KIAA1217: variants seen among roughly 807,000 people sequenced by gnomAD.
KIAA1217 encodes the protein sickle tail protein homolog.
In KIAA1217, 88 loss-of-function variants were observed where a neutral mutation model predicts 163.9. That is an observed-to-expected ratio of 0.54 (90% CI 0.45 to 0.64). KIAA1217 has a LOEUF of 0.64. KIAA1217 is among the 30% of genes least tolerant of loss of function. The pLI is 0.00. For missense variants in KIAA1217, 2,372 were observed against 2,475.0 expected, an observed-to-expected ratio of 0.96 and a Z score of 0.88; for synonymous variants, 903 against 923.1, an observed-to-expected ratio of 0.98 and a Z score of 0.39.
chr10:24,351,335 G>A (rs2048435094), intron 2 of KIAA1217, among the ~76,000 whole-genome samples: 1 of 152,176 alleles, frequency 6.6e-6, no homozygotes, highest in Non-Finnish European at 1.5e-5. Flanking sequence ...CTAAGAGTCT[G>A]TATCTTCTTC....
intron 1 of KIAA1217, among the ~76,000 whole-genome samples, chr10:23,984,333 A>G (rs1329709745): frequency 1.3e-5 from 2 of 152,206 alleles, no homozygotes; most frequent in African/African-American, 4.8e-5. Context: ...CCAAACAGTC[A>G]CAGTCTCTTT....
chr10:24,391,329 CTTTCTTTTTTTTT>C (rs1340101806), intron 3 of KIAA1217, among the ~76,000 whole-genome samples: 6 of 87,854 alleles, frequency 6.8e-5, no homozygotes, highest in Non-Finnish European at 1.1e-4. Flanking sequence ...TTCTTTCTTT[CTTTCTTTTTTTTT>C]TTTTTTTTTT....
intron 1 of KIAA1217, among the ~76,000 whole-genome samples, chr10:23,751,220 G>A (rs1003299076): frequency 2.0e-5 from 3 of 151,966 alleles, no homozygotes; most frequent in African/African-American, 7.3e-5. Flanking sequence ...TAAAGCTGGG[G>A]TTTCTCCATG....
intron 1 of KIAA1217, among the ~76,000 whole-genome samples, chr10:23,866,201 C>CG (rs922652661): frequency 6.6e-6 from 1 of 151,966 alleles, no homozygotes; most frequent in African/African-American, 2.4e-5. Context: ...TGTGTGATGT[C>CG]GGGGGGAGAT....
intron 1 of KIAA1217, among the ~76,000 whole-genome samples, chr10:23,744,420 G>A (rs1385106744): frequency 6.6e-6 from 1 of 152,196 alleles, no homozygotes; most frequent in Non-Finnish European, 1.5e-5. Flanking sequence ...GACACACTAG[G>A]GGAAGGGAAA....
At chr10:24,528,308 T>TG (rs1364302575) in intron 14 of KIAA1217, among the ~76,000 whole-genome samples, 189 bp downstream of exon 14, 3 of 128,086 alleles carry the variant, frequency 2.3e-5, no homozygotes, top group Non-Finnish European at 5.3e-5. Context: ...TCTCTCTTTT[T>TG]GTTTTTTTTT....
chr10:24,034,970 C>T (rs954620247), intron 2 of KIAA1217, among the ~76,000 whole-genome samples: 3 of 152,206 alleles, frequency 2.0e-5, no homozygotes, highest in African/African-American at 7.2e-5. Context: ...CACACAGCAT[C>T]CAAGATGACA....
upstream of KIAA1217, among the ~76,000 whole-genome samples, chr10:24,204,270 G>A (rs984996332): frequency 6.6e-6 from 1 of 152,104 alleles, no homozygotes; most frequent in Non-Finnish European, 1.5e-5. Flanking sequence ...TTTAAGTAAG[G>A]GAAGATTGGT....
At position 24,547,687 on chromosome 10, in the gene KIAA1217, G is replaced by C. The variant is rs2075773248; in HGVS notation, c.*1363G>C. The C allele has an allele frequency of 5.3e-5, 8 of 152,246 alleles. 1 individual carries two copies. In the South Asian group the frequency reaches 1.7e-3, roughly 32 times the overall value. 9.4% of individuals were successfully genotyped at this position (152,246 alleles called of 1,614,324 possible). A position where few individuals can be genotyped will look rare whatever the true frequency, so the allele number is the denominator to read the frequency against. The stretch of plus-strand genomic sequence containing the variant: ...GTGGTGCCTTGGATGTGGCCTGTTG[G>C]CTCGCTTTCTTCTCTGTGGCTTATC... On this transcript the variant is annotated 3_prime_UTR_variant, in exon 21 of 21. Transcript: ENST00000376454.
At chr10:23,719,095 T>G (rs535368493) in intron 1 of KIAA1217, among the ~76,000 whole-genome samples, 47 of 152,252 alleles carry the variant, frequency 3.1e-4, no homozygotes, top group African/African-American at 1.1e-3. Context: ...ACAAATAACA[T>G]GTATACACTA....
chr10:24,082,165 G>A (rs1473742611), intron 2 of KIAA1217, among the ~76,000 whole-genome samples: 1 of 152,130 alleles, frequency 6.6e-6, no homozygotes, highest in African/African-American at 2.4e-5. Context: ...TCACCCCAGA[G>A]GAATTCACTG....
intron 1 of KIAA1217, among the ~76,000 whole-genome samples, chr10:23,747,885 G>T (rs1187496687): frequency 6.6e-6 from 1 of 152,168 alleles, no homozygotes; most frequent in African/African-American, 2.4e-5. Context: ...AAGCTAGCTA[G>T]ACCTGGGCTG....
chr10:23,874,801 A>T (rs1840607600), intron 1 of KIAA1217, among the ~76,000 whole-genome samples: 1 of 152,012 alleles, frequency 6.6e-6, no homozygotes, highest in Admixed American at 6.6e-5. Context: ...ATTACAAATA[A>T]TCATACAGAA....
At chr10:23,786,374 G>T (rs1399354812) in intron 1 of KIAA1217, among the ~76,000 whole-genome samples, 3 of 151,958 alleles carry the variant, frequency 2.0e-5, no homozygotes, top group Non-Finnish European at 4.4e-5. Context: ...AACCAGTTTG[G>T]CCAAATCATT....
intron 2 of KIAA1217, among the ~76,000 whole-genome samples, chr10:24,057,434 T>C (rs1388343585): frequency 6.6e-6 from 1 of 152,184 alleles, no homozygotes; most frequent in African/African-American, 2.4e-5. Context: ...GCCATTTGTC[T>C]CTCCCCTCAA....
At chr10:24,507,347 A>T (rs932482883) in intron 9 of KIAA1217, among the ~76,000 whole-genome samples, 10 of 152,222 alleles carry the variant, frequency 6.6e-5, no homozygotes, top group African/African-American at 2.2e-4. Flanking sequence ...TTGTCAAGAG[A>T]AACCAACCAG....
intron 2 of KIAA1217, among the ~76,000 whole-genome samples, chr10:24,050,522 T>C (rs1178974854): frequency 4.3e-4 from 66 of 152,180 alleles, no homozygotes; most frequent in Non-Finnish European, 5.9e-5. Flanking sequence ...TTTCTGCATA[T>C]GGCTAGCCAG....
intron 11 of KIAA1217, among the ~76,000 whole-genome samples, chr10:24,520,638 AAAAAAAAAAAAAAAT>A (rs561527137): frequency 5.7e-5 from 3 of 52,852 alleles, no homozygotes; most frequent in African/African-American, 1.6e-4. Context: ...AAAAAAAAAA[AAAAAAAAAAAAAAAT>A]ATATATATAT....
intron 3 of KIAA1217, among the ~76,000 whole-genome samples, chr10:24,396,732 A>G (rs1406588845): frequency 6.6e-6 from 1 of 152,246 alleles, no homozygotes; most frequent in Non-Finnish European, 1.5e-5. Context: ...AGGAACAGCA[A>G]AAAGGCCACT....
Sources: allele counts gnomAD v4.1 joint callset (sites outside exome capture counted in the v4.1 genomes callset), GRCh38; gene constraint gnomAD v4.1.1; transcripts MANE v1.5; gene names NCBI Gene and HGNC (gene_info 2026-07-23, HGNC 2026-07-21).